PCDHA2: variants seen among roughly 807,000 people sequenced by gnomAD.
The protein encoded by PCDHA2 is protocadherin alpha-2.
A neutral mutation model predicts 66.0 loss-of-function variants in PCDHA2; 58 were observed. That is an observed-to-expected ratio of 0.88 (90% CI 0.71 to 1.09). The LOEUF is 1.09. Among genes scored for constraint, PCDHA2 ranks in the 50% least tolerant of loss-of-function variants. The probability of loss-of-function intolerance (pLI) is 0.00; values close to 1 mark genes in which losing one functional copy is unlikely to be tolerated. For missense variants in PCDHA2, 1,267 were observed against 1,242.3 expected (o/e 1.02, Z -0.30); for synonymous variants, 634 against 554.0 (o/e 1.14, Z -2.03).
At chr5:140,875,580 C>G (rs1381718234) in intron 1 of PCDHA2, 7 of 1,613,958 alleles carry the variant, frequency 4.3e-6, no homozygotes, top group Admixed American at 1.7e-5. Context: ...ACTCCGTCTA[C>G]GAGGAGGCCA....
chr5:140,843,388 G>C lies in PCDHA2; in HGVS notation c.2388+46036G>C, dbSNP rs1411961192. On this transcript the variant is annotated intron_variant, in intron 1 of 3. Coordinates refer to ENST00000526136, the MANE Select transcript of PCDHA2 (RefSeq NM_018905.3). ...GGCAGTCGGCTGGCGTTTTGGGTCC[G>C]GAAGCGGCGCTGGTGGATGTCAACG... 45 of 1,595,950 alleles carry C rather than the reference G, an allele frequency of 2.8e-5. 4 individuals are homozygous for C. The highest frequency in any genetic ancestry group is 3.9e-5 in the Non-Finnish European group (45 of 1,165,580).
intron 1 of PCDHA2, chr5:140,829,495 C>A: frequency 6.2e-7 from 1 of 1,613,650 alleles, no homozygotes; most frequent in Non-Finnish European, 8.5e-7. Flanking sequence ...AGGAGAACAA[C>A]CCGCCGGGCT....
At chr5:140,967,236 T>C (rs142898054) in intron 1 of PCDHA2, 53 of 1,613,562 alleles carry the variant, frequency 3.3e-5, no homozygotes, top group Non-Finnish European at 4.2e-5. Context: ...CAGCTTCAGG[T>C]AAGCGAATCG....
At chr5:140,989,724 T>C (rs1251385686) in intron 3 of PCDHA2, among the ~76,000 whole-genome samples, 6 of 152,178 alleles carry the variant, frequency 3.9e-5, no homozygotes, top group African/African-American at 1.4e-4. Context: ...AGCTTTGCAG[T>C]TGAAAAGGCC....
intron 1 of PCDHA2, chr5:140,829,759 G>A: frequency 6.2e-7 from 1 of 1,613,768 alleles, no homozygotes; most frequent in Non-Finnish European, 8.5e-7. Flanking sequence ...TGTTCGTGCT[G>A]GACGAGAACG....
At chr5:140,967,489 A>G in intron 1 of PCDHA2, 4 of 1,613,456 alleles carry the variant, frequency 2.5e-6, no homozygotes, top group Non-Finnish European at 3.4e-6. Flanking sequence ...CGGGTACGGC[A>G]CAGATCTCTG....
chr5:140,809,480 C>T (rs1554125244), intron 1 of PCDHA2: 2 of 1,614,122 alleles, frequency 1.2e-6, no homozygotes, highest in Admixed American at 1.7e-5. Flanking sequence ...TGAGGGCCCA[C>T]CCAAGACCGA....
intron 1 of PCDHA2, among the ~76,000 whole-genome samples, chr5:140,899,821 C>G (rs1286169760): frequency 1.3e-5 from 2 of 151,902 alleles, no homozygotes; most frequent in African/African-American, 4.8e-5. Flanking sequence ...TTTGTTTTTC[C>G]TTTTTGAGAC....
At chr5:140,935,127 T>C (rs1223390448) in intron 1 of PCDHA2, among the ~76,000 whole-genome samples, 1 of 152,170 alleles carries the variant, frequency 6.6e-6, no homozygotes, top group Non-Finnish European at 1.5e-5. Flanking sequence ...TTATTTTTAG[T>C]GAAAGATGAT....
At chr5:140,877,995 T>A in intron 1 of PCDHA2, 1 of 1,054,404 alleles carries the variant, frequency 9.5e-7, no homozygotes. Context: ...AACTTTTATG[T>A]ATTTGTCTAA....
rs535981750 is a variant in PCDHA2 at position 140,934,094 on chromosome 5, GCTTT to G, written c.2389-44852_2389-44849del. Among the ~76,000 whole-genome samples, 58 of 151,890 alleles carry G rather than the reference GCTTT, an allele frequency of 3.8e-4. 1 individual carries two copies. The highest frequency in any genetic ancestry group is 6.8e-3 in the Middle Eastern group (2 of 292). ...TTTGGGTTCGCTTTGTTGTATGTTT[GCTTT>G]CTATTTTATTAATTTTCATACTTTA... On this transcript the variant is annotated intron_variant, in intron 1 of 3. Transcript: ENST00000526136.
intron 1 of PCDHA2, among the ~76,000 whole-genome samples, chr5:140,886,636 G>A (rs555391002): frequency 2.6e-5 from 4 of 151,866 alleles, no homozygotes; most frequent in Non-Finnish European, 4.4e-5. Flanking sequence ...GACCAGCCTG[G>A]CCAACATGGT....
At chr5:140,816,298 T>C (rs1765878212) in intron 1 of PCDHA2, 1 of 152,238 alleles carries the variant, frequency 6.6e-6, no homozygotes, top group Admixed American at 6.5e-5. Context: ...GTTGAACATG[T>C]CTGTAAAATT....
intron 1 of PCDHA2, among the ~76,000 whole-genome samples, chr5:140,878,983 AGAAAT>A (rs2153364854): frequency 6.6e-6 from 1 of 152,352 alleles, no homozygotes; most frequent in Non-Finnish European, 1.5e-5. Flanking sequence ...CCTCTATCTT[AGAAAT>A]GAGAGTATGC....
At chr5:140,896,019 C>A (rs2065310725) in intron 1 of PCDHA2, among the ~76,000 whole-genome samples, 1 of 152,144 alleles carries the variant, frequency 6.6e-6, no homozygotes, top group African/African-American at 2.4e-5. Flanking sequence ...CCATGTTGGC[C>A]AGGCTGGTCT....
chr5:140,826,128 G>C (rs181129718), intron 1 of PCDHA2, among the ~76,000 whole-genome samples: 1 of 152,208 alleles, frequency 6.6e-6, no homozygotes, highest in East Asian at 1.9e-4. Flanking sequence ...AATATCCTGA[G>C]CTACTTTGAG....
intron 1 of PCDHA2, among the ~76,000 whole-genome samples, chr5:140,925,907 C>T (rs937426015): frequency 6.6e-6 from 1 of 151,848 alleles, no homozygotes; most frequent in African/African-American, 2.4e-5. Flanking sequence ...TCGTCAAGGG[C>T]CGTTTGCAAA....
At chr5:140,928,625 A>C in intron 1 of PCDHA2, 1 of 1,614,224 alleles carries the variant, frequency 6.2e-7, no homozygotes, top group Non-Finnish European at 8.5e-7. Flanking sequence ...AGGACTGGAC[A>C]CTTGGTCACA....
At chr5:140,836,386 C>A in intron 1 of PCDHA2, 1 of 1,613,722 alleles carries the variant, frequency 6.2e-7, no homozygotes, top group Non-Finnish European at 8.5e-7. Context: ...GTGCTGGTGT[C>A]GCTGGTGGAA....
Sources: gnomAD v4.1 joint callset for allele counts (sites outside exome capture counted in the v4.1 genomes callset) on GRCh38, gnomAD v4.1.1 for gene constraint, MANE v1.5 for transcripts, NCBI Gene and HGNC (gene_info 2026-07-23, HGNC 2026-07-21) for gene names.